The following ZBED6 variants were observed in gnomAD, a reference collection of about 807,000 sequenced individuals.
The protein encoded by ZBED6 is zinc finger BED-type containing 6, also known as zinc finger BED domain-containing protein 6.
Under a neutral mutation model 58.4 loss-of-function variants are expected in ZBED6, and 40 were observed. The observed-to-expected ratio is 0.68, with a 90% confidence interval of 0.53 to 0.89. The LOEUF (loss-of-function observed/expected upper bound fraction) is 0.89. Ranked by LOEUF, ZBED6 falls within the 40% of genes least tolerant of loss-of-function variation. ZBED6 has a pLI of 0.00. For synonymous variants in ZBED6, 439 were observed against 350.6 expected (o/e 1.25, Z -2.82); for missense variants, 1,057 against 1,003.9 (o/e 1.05, Z -0.71).
rs1346644411 is a variant in ZBED6, at chr1:203,797,952, C to T, written c.430C>T (p.Gln144Ter). The T allele has an allele frequency of 1.3e-6, 2 of 1,535,892 alleles. No homozygotes were observed. The highest frequency in any genetic ancestry group is 1.7e-6 in the Non-Finnish European group (2 of 1,146,828). Residue 144 changes from glutamine to a stop codon, truncating the protein, a stop_gained, in exon 1 of 17, where the codon CAG becomes TAG. Transcript: ENST00000550078. LOFTEE classifies it high-confidence loss of function. ...GTGGCACTTCTTTCATGTTGACCCC[C>T]AGTACACCTGGCGGGCCATTTGTAA... is the stretch of plus-strand genomic sequence containing the variant.
chr1:203,841,623 C>G (rs1206100467), intron 11 of ZBED6, among the ~76,000 whole-genome samples: 1 of 152,248 alleles, frequency 6.6e-6, no homozygotes, highest in Non-Finnish European at 1.5e-5. Context: ...TTCTATTCGA[C>G]AAAACCGCCT....
chr1:203,806,842 T>C (rs1275423110), intron 1 of ZBED6, among the ~76,000 whole-genome samples: 2 of 150,914 alleles, frequency 1.3e-5, no homozygotes, highest in Non-Finnish European at 3.0e-5. Context: ...TTTTTTTTTT[T>C]TTTTTGCTAT....
At chr1:203,819,423 C>T (rs1226009064) in intron 3 of ZBED6, among the ~76,000 whole-genome samples, 1 of 150,936 alleles carries the variant, frequency 6.6e-6, no homozygotes, top group Non-Finnish European at 1.5e-5. Context: ...GGTTTTACCA[C>T]GCAGGCCAGG....
intron 11 of ZBED6, among the ~76,000 whole-genome samples, chr1:203,841,878 TCAGA>T (rs201425399): frequency 0.13 from 18,311 of 140,058 alleles, 1,456 homozygotes; most frequent in East Asian, 0.29. Context: ...TCCTCACTTC[TCAGA>T]CGGGGCGGCC....
intron 3 of ZBED6, among the ~76,000 whole-genome samples, chr1:203,819,323 G>A (rs1677603319): frequency 1.3e-5 from 2 of 150,242 alleles, no homozygotes; most frequent in South Asian, 4.2e-4. Flanking sequence ...CCAGGTTCAA[G>A]CGATTCTCCT....
chr1:203,825,045 C>A (rs1680035211), intron 3 of ZBED6, among the ~76,000 whole-genome samples: 1 of 142,514 alleles, frequency 7.0e-6, no homozygotes, highest in Non-Finnish European at 1.5e-5. Context: ...CCACTGCACT[C>A]CAACCTGGGC....
intron 15 of ZBED6, 147 bp from the exon 16 acceptor site, chr1:203,850,910 A>G: frequency 8.4e-7 from 1 of 1,196,660 alleles, no homozygotes; most frequent in Non-Finnish European, 1.2e-6. Context: ...TTGCTTATTT[A>G]TATACTCAAC....
chr1:203,820,710 C>G (rs1678334449), intron 3 of ZBED6, among the ~76,000 whole-genome samples: 1 of 151,948 alleles, frequency 6.6e-6, no homozygotes, highest in Admixed American at 6.6e-5. Flanking sequence ...GAATTGTTGG[C>G]CTCAAGTTAT....
In ZBED6 at chr1:203,839,171, C is replaced by T. The variant is rs534676902; in HGVS notation, c.*3672+1107C>T. Among the ~76,000 whole-genome samples the T allele has an allele frequency of 1.5e-4, 23 of 152,110 alleles. No individual in the cohort carries two copies. The South Asian group carries it at 4.6e-3, about 30-fold the overall frequency. On this transcript the variant is annotated intron_variant, in intron 10 of 16. Coordinates refer to ENST00000550078, the Ensembl canonical transcript of ZBED6. ...GGTATTTTGGAAGTTGATTTGGAGA[C>T]GTGGACTAAATCAAGAGATAGCTGG...
chr1:203,798,279 A>G lies in ZBED6; in HGVS notation c.757A>G (p.Ile253Val), dbSNP rs553693791. The G allele has an allele frequency of 4.6e-6, 7 of 1,536,098 alleles. No individual in the cohort carries two copies. The East Asian group carries it at 1.2e-4, about 27-fold the overall frequency. The change falls in exon 1 of 17, where the codon ATT (isoleucine) becomes GTT (valine). Residue 253 changes from isoleucine (I) to valine (V), a missense_variant. Ile to Val is a conservative substitution (Grantham distance 29, BLOSUM62 3). Coordinates refer to ENST00000550078, the Ensembl canonical transcript of ZBED6. ...AGGGAGATTTCTCATCAAAAGTAAC[A>G]TTGTCAAGCATGCTTTAATTCCTGG...
intron 3 of ZBED6, among the ~76,000 whole-genome samples, chr1:203,827,423 G>A (rs1313173960): frequency 1.3e-5 from 2 of 149,576 alleles, no homozygotes; most frequent in African/African-American, 4.9e-5. Context: ...GCTCACACCT[G>A]TAATCCCAGC....
intron 3 of ZBED6, among the ~76,000 whole-genome samples, chr1:203,819,998 A>T (rs1677967573): frequency 6.6e-6 from 1 of 151,264 alleles, no homozygotes; most frequent in Non-Finnish European, 1.5e-5. Flanking sequence ...GCACTTTACT[A>T]GGCTGAGGCG....
exon 1 of ZBED6, chr1:203,798,923 A>C: frequency 7.2e-6 from 11 of 1,536,058 alleles, no homozygotes; most frequent in Non-Finnish European, 9.6e-6. Flanking sequence ...TCAGAGAAAA[A>C]ATTTTCTTAA....
chr1:203,814,835 ATTTG>A lies in ZBED6; in HGVS notation c.*2555-2087_*2555-2084del. On this transcript the variant is annotated intron_variant, in intron 1 of 16. Transcript: ENST00000550078. ...GAATATACCGTAATTTTTTTAAATC[ATTTG>A]TTTATTTTTGAGATAGAGTCTCACT... The A allele has an allele frequency of 2.0e-5, 3 of 152,076 alleles. No individual in the cohort carries two copies. The East Asian group carries it at 5.8e-4, about 29-fold the overall frequency. 9.4% of individuals were successfully genotyped at this position (152,076 alleles called of 1,614,324 possible). A position where few individuals can be genotyped will look rare whatever the true frequency, so the allele number is the denominator to read the frequency against.
chr1:203,839,611 C>T (rs777758646), intron 10 of ZBED6, among the ~76,000 whole-genome samples: 14 of 152,108 alleles, frequency 9.2e-5, no homozygotes, highest in Non-Finnish European at 1.8e-4. Context: ...CTTTCTTTGC[C>T]ACATTGTTTT....
chr1:203,850,816 ACTG>A, intron 15 of ZBED6, 135 bp downstream of exon 15: 1 of 1,309,676 alleles, frequency 7.6e-7, no homozygotes, highest in Non-Finnish European at 1.0e-6. Flanking sequence ...TTGGGTTACT[ACTG>A]TATTTTATAC....
At chr1:203,797,272 T>A (rs909034560) in exon 1 of ZBED6, 1 of 311,494 alleles carries the variant, frequency 3.2e-6, no homozygotes, top group Non-Finnish European at 5.9e-6. Context: ...GACACTGGAC[T>A]ATTTGAATTC....
chr1:203,832,409 A>G (rs1325656031), intron 8 of ZBED6, among the ~76,000 whole-genome samples: 1 of 151,314 alleles, frequency 6.6e-6, no homozygotes, highest in Non-Finnish European at 1.5e-5. Flanking sequence ...CGCCCAGGCT[A>G]AAGTGCAATG....
Position 203,798,488 on chromosome 1 carries a change from CAAAG to C in ZBED6, c.968_971del (p.Lys323ThrfsTer9), listed in dbSNP as rs1669404849. 6.5e-7 allele frequency: 1 copy of C among 1,536,126 alleles called. No homozygotes were observed. The highest frequency in any genetic ancestry group is 8.7e-7 in the Non-Finnish European group (1 of 1,146,900). On this transcript the variant is annotated frameshift_variant, in exon 1 of 17. Transcript: ENST00000550078. LOFTEE classifies it high-confidence loss of function. ...ATCCTATCCATTGGGCTGTTGCCAACAAAGACAGTGGTGCTGTTGCAAATGGATT... is the reference window on the plus strand; with the variant it reads ...ATCCTATCCATTGGGCTGTTGCCAACACAGTGGTGCTGTTGCAAATGGATT...
Sources: allele counts gnomAD v4.1 joint callset (sites outside exome capture counted in the v4.1 genomes callset), GRCh38; gene constraint gnomAD v4.1.1; transcripts MANE v1.5; gene names NCBI Gene and HGNC (gene_info 2026-07-23, HGNC 2026-07-21).